The following LEF1 variants were observed in gnomAD, a reference collection of about 807,000 sequenced individuals.
LEF1 encodes the protein lymphoid enhancer binding factor 1, also known as lymphoid enhancer-binding factor 1.
A neutral mutation model predicts 51.2 loss-of-function variants in LEF1; 14 were observed. The ratio of observed to expected loss-of-function variants is 0.27; its 90% CI spans 0.18 to 0.43. The LOEUF (loss-of-function observed/expected upper bound fraction) is 0.43. Among genes scored for constraint, LEF1 ranks in the 20% least tolerant of loss-of-function variants. The pLI, the probability that LEF1 is intolerant of heterozygous loss-of-function variation, is 1.00. For synonymous variants in LEF1, 185 were observed against 183.2 expected, an observed-to-expected ratio of 1.01 and a Z score of -0.08; for missense variants, 386 against 512.0, an observed-to-expected ratio of 0.75 and a Z score of 2.37.
intron 4 of LEF1, 89 bp downstream of exon 4, chr4:108,089,036 G>T: frequency 2.8e-6 from 4 of 1,405,204 alleles, no homozygotes; most frequent in Non-Finnish European, 4.0e-6. Context: ...GTGACATGGA[G>T]CACTGGCATC....
intron 11 of LEF1, among the ~76,000 whole-genome samples, chr4:108,052,818 G>A (rs1219145497): frequency 6.6e-6 from 1 of 152,140 alleles, no homozygotes; most frequent in East Asian, 1.9e-4. Flanking sequence ...CTGGTGAGGG[G>A]GAAGGAACAA....
chr4:108,128,871 CAAAG>C (rs971499896), intron 3 of LEF1, among the ~76,000 whole-genome samples: 5 of 151,952 alleles, frequency 3.3e-5, no homozygotes, highest in African/African-American at 1.2e-4. Flanking sequence ...GATTAAAAGA[CAAAG>C]AAGAAGAGAA....
intron 11 of LEF1, among the ~76,000 whole-genome samples, chr4:108,058,117 G>A (rs1425913270): frequency 6.6e-6 from 1 of 151,990 alleles, no homozygotes; most frequent in Non-Finnish European, 1.5e-5. Flanking sequence ...CTCATGATCT[G>A]CCCACCTCTG....
intron 3 of LEF1, among the ~76,000 whole-genome samples, chr4:108,133,179 G>C (rs1364447250): frequency 2.0e-5 from 3 of 152,116 alleles, no homozygotes; most frequent in African/African-American, 7.2e-5. Context: ...TCACCATGTT[G>C]GTCAGGCTGG....
intron 3 of LEF1, among the ~76,000 whole-genome samples, chr4:108,148,254 C>T (rs569506092): frequency 6.8e-6 from 1 of 147,458 alleles, no homozygotes; most frequent in African/African-American, 2.5e-5. Context: ...TCTTAGGTTA[C>T]TTAACATGAA....
intron 9 of LEF1, chr4:108,070,415 A>C: frequency 3.3e-6 from 1 of 302,602 alleles, no homozygotes; most frequent in Non-Finnish European, 6.0e-6. Context: ...TCAAATTTTA[A>C]TAATAAGGTA....
chr4:108,154,357 C>T (rs1430753804), intron 3 of LEF1, among the ~76,000 whole-genome samples: 1 of 147,958 alleles, frequency 6.8e-6, no homozygotes, highest in Non-Finnish European at 1.5e-5. Context: ...GGGAGTATAA[C>T]ACTCACCCCA....
chr4:108,072,137 C>A (rs1269643174), intron 8 of LEF1: 1 of 152,124 alleles, frequency 6.6e-6, no homozygotes, highest in Admixed American at 6.5e-5. Context: ...GGCTGCCCTG[C>A]ATATTAATTT....
chr4:108,075,221 T>C (rs910544625), intron 8 of LEF1, among the ~76,000 whole-genome samples: 1 of 152,190 alleles, frequency 6.6e-6, no homozygotes, highest in Admixed American at 6.5e-5. Context: ...CTGGAAACCC[T>C]GGTGACTTGC....
intron 7 of LEF1, among the ~76,000 whole-genome samples, chr4:108,079,112 G>A (rs779164220): frequency 6.6e-6 from 1 of 152,196 alleles, no homozygotes; most frequent in East Asian, 1.9e-4. Context: ...TGCACTTCCA[G>A]AAGAAAGTGC....
intron 3 of LEF1, among the ~76,000 whole-genome samples, chr4:108,112,880 C>T (rs1741616354): frequency 6.6e-6 from 1 of 152,166 alleles, no homozygotes; most frequent in South Asian, 2.1e-4. Flanking sequence ...GAGTCTAACT[C>T]TACAAAGTAA....
At chr4:108,067,028 ACCTTTATTCTAT>A (rs1241713982) in intron 9 of LEF1, among the ~76,000 whole-genome samples, 5 of 152,234 alleles carry the variant, frequency 3.3e-5, no homozygotes, top group African/African-American at 1.2e-4. Context: ...CCTTAATTTT[ACCTTTATTCTAT>A]CCCTGTACAG....
intron 3 of LEF1, among the ~76,000 whole-genome samples, chr4:108,130,218 T>C (rs1742786447): frequency 6.6e-6 from 1 of 152,206 alleles, no homozygotes; most frequent in Non-Finnish European, 1.5e-5. Context: ...GGACAGATGA[T>C]AACACTGGTG....
rs141108150 is a variant in LEF1 at position 108,139,384 on chromosome 4, C to G, written c.414+24184G>C. On this transcript the variant is annotated intron_variant, in intron 3 of 11. Transcript: ENST00000265165. ...GATTAACTAGAGTTTATATATAGAA[C>G]ATGCATCTTTAAATAGCATGGCATC... Among the ~76,000 whole-genome samples, 492 of 152,348 alleles carry G rather than the reference C, an allele frequency of 3.2e-3. 1 individual carries two copies. Among genetic ancestry groups the G allele is most frequent in the Middle Eastern group, 6.8e-3 (2 of 294 alleles).
chr4:108,123,335 A>C (rs1447432214), intron 3 of LEF1, among the ~76,000 whole-genome samples: 1 of 151,996 alleles, frequency 6.6e-6, no homozygotes, highest in Non-Finnish European at 1.5e-5. Flanking sequence ...TGAGACAAGA[A>C]ATTTTCACTG....
rs371920870 is a variant in LEF1 at position 108,081,643 on chromosome 4, G to A, written c.665C>T (p.Thr222Met). ...GWQGQPVYPI[T>M]GGFRQPYPSS... Reference sequence around the variant, plus strand: ...TGGGTAGGGTTGCCTGAATCCACCCGTGATGGGATATACAGGCTGACCTTG... The same window carrying A: ...TGGGTAGGGTTGCCTGAATCCACCCATGATGGGATATACAGGCTGACCTTG... The change falls in exon 6 of 12, where the codon ACG (threonine) becomes ATG (methionine). Residue 222 changes from threonine (T) to methionine (M), a missense_variant. Around this residue, in one of 2 missense-constraint regions of LEF1, gnomAD observed 335 missense variants for 390.7 expected, o/e 0.86. Coordinates refer to ENST00000265165, the MANE Select transcript of LEF1 (RefSeq NM_016269.5). 136 of 1,613,952 alleles carry A rather than the reference G, an allele frequency of 8.4e-5. No individual in the cohort carries two copies. Among genetic ancestry groups the A allele is most frequent in the Admixed American group, 1.7e-4 (10 of 60,002 alleles).
intron 11 of LEF1, among the ~76,000 whole-genome samples, chr4:108,063,391 A>G (rs1038346287): frequency 6.6e-6 from 1 of 152,252 alleles, no homozygotes; most frequent in East Asian, 1.9e-4. Flanking sequence ...AAATGGAGGA[A>G]GAATAAATGT....
rs1412024016 is a variant in LEF1 at position 108,163,585 on chromosome 4, G to C, written c.397C>G (p.Pro133Ala). 1 of 1,613,444 alleles carries C rather than the reference G, an allele frequency of 6.2e-7. No homozygotes were observed. Among genetic ancestry groups the C allele is most frequent in the Non-Finnish European group, 8.5e-7 (1 of 1,179,692 alleles). ...TTACTTACTGTTCTCGGGATGGGTG[G>C]AGAAAGAGATCCATTTGACATGTAT... is the stretch of plus-strand genomic sequence containing the variant. ...DPYMSNGSLSPPIPRTSNKVP... is the reference protein window; with the variant it reads ...DPYMSNGSLSAPIPRTSNKVP... Residue 133 changes from proline to alanine, a missense_variant, in exon 3 of 12, where the codon CCA becomes GCA. By Grantham distance (27) the Pro-to-Ala change is conservative. Around this residue, in one of 2 missense-constraint regions of LEF1, gnomAD observed 335 missense variants for 390.7 expected, o/e 0.86. Coordinates refer to ENST00000265165, the MANE Select transcript of LEF1 (RefSeq NM_016269.5).
At chr4:108,083,298 G>A in intron 5 of LEF1, 58 bp downstream of exon 5, 1 of 1,150,058 alleles carries the variant, frequency 8.7e-7, no homozygotes, top group South Asian at 1.2e-5. Flanking sequence ...TTCCATGAAT[G>A]GAAAGTGGAG....
Sources: gnomAD v4.1 joint callset for allele counts (sites outside exome capture counted in the v4.1 genomes callset) on GRCh38, gnomAD v4.1.1 for gene constraint, gnomAD v4.1.1 regional missense constraint, MANE v1.5 for transcripts, NCBI Gene and HGNC (gene_info 2026-07-23, HGNC 2026-07-21) for gene names.